The following FAM135B variants were observed in gnomAD, a reference collection of about 807,000 sequenced individuals.
FAM135B encodes the protein family with sequence similarity 135 member B, also known as protein FAM135B.
Under a neutral mutation model 127.7 loss-of-function variants are expected in FAM135B, and 43 were observed. The ratio of observed to expected loss-of-function variants is 0.34; its 90% CI spans 0.26 to 0.43. The LOEUF is 0.43. Ranked by LOEUF, FAM135B falls within the 20% of genes least tolerant of loss-of-function variation. FAM135B has a pLI of 1.00. For synonymous variants in FAM135B, 670 were observed against 665.1 expected (o/e 1.01, Z -0.11); for missense variants, 1,558 against 1,725.6 (o/e 0.90, Z 1.72).
At chr8:138,226,184 T>TGTGTGTGTGTGTGC in intron 7 of FAM135B, among the ~76,000 whole-genome samples, 7 of 139,284 alleles carry the variant, frequency 5.0e-5, no homozygotes, top group African/African-American at 1.9e-4. Flanking sequence ...TGTGTGTGTG[T>TGTGTGTGTGTGTGC]GCGCGCATGT....
At chr8:138,450,664 T>C (rs1836435412) in intron 1 of FAM135B, 1 of 152,228 alleles carries the variant, frequency 6.6e-6, no homozygotes, top group Admixed American at 6.5e-5. Flanking sequence ...GTGTCTGTTA[T>C]AATTTCTGGC....
chr8:138,270,628 A>G (rs1823307577), intron 3 of FAM135B, among the ~76,000 whole-genome samples: 1 of 152,258 alleles, frequency 6.6e-6, no homozygotes, highest in Non-Finnish European at 1.5e-5. Context: ...GGGTGCTTGC[A>G]TCTGGCAAAG....
chr8:138,212,671 T>G, intron 7 of FAM135B, among the ~76,000 whole-genome samples: 1 of 152,258 alleles, frequency 6.6e-6, no homozygotes, highest in East Asian at 1.9e-4. Context: ...TGAATCTATC[T>G]ATTAAAACAT....
rs1157576323 is a variant in FAM135B at position 138,152,012 on chromosome 8, T to C, written c.2463A>G (p.Thr821=). Residue 821 remains threonine, a synonymous_variant, in exon 13 of 20, where the codon ACA becomes ACG. Coordinates refer to ENST00000395297, the MANE Select transcript of FAM135B (RefSeq NM_015912.4). ...SCSQLCGDSG[T]DAGADHPLVE... is the part of the protein sequence containing the mutation. ...CCAGGGGATGGTCTGCTCCAGCATC[T>C]GTTCCAGAGTCACCACAAAGTTGAG... The C allele has an allele frequency of 6.2e-7, 1 of 1,614,098 alleles. No individual in the cohort carries two copies. The highest frequency in any genetic ancestry group is 1.1e-5 in the South Asian group (1 of 91,076).
In FAM135B at chr8:138,132,489, C is replaced by T; in HGVS notation, c.*104G>A. On this transcript the variant is annotated 3_prime_UTR_variant, in exon 20 of 20. Transcript: ENST00000395297. This position sits in a 1 kb window ranked among gnomAD's most constrained non-coding sequence, Gnocchi z 4.5. The stretch of plus-strand genomic sequence containing the variant: ...CCACCCGAGCCTCCGTCCCCCAATG[C>T]TGTTGAAGCTTCATTCTGAAATGGT... 1.1e-6 allele frequency: 1 copy of T among 946,546 alleles called. No individual in the cohort carries two copies. Among genetic ancestry groups the T allele is most frequent in the Non-Finnish European group, 1.7e-6 (1 of 606,030 alleles). The allele number at this position is 946,546 out of a possible 1,614,324, so 58.6% of individuals were successfully genotyped here.
intron 9 of FAM135B, among the ~76,000 whole-genome samples, chr8:138,184,214 C>T (rs1815345797): frequency 6.6e-6 from 1 of 152,104 alleles, no homozygotes; most frequent in South Asian, 2.1e-4. Flanking sequence ...GTTTTTGCCC[C>T]CTGAAGGTCT....
At chr8:138,329,286 C>T (rs1828009715) in intron 2 of FAM135B, among the ~76,000 whole-genome samples, 1 of 152,186 alleles carries the variant, frequency 6.6e-6, no homozygotes, top group Non-Finnish European at 1.5e-5. Context: ...TGACCAATTT[C>T]CAGCTCCTTC....
intron 1 of FAM135B, among the ~76,000 whole-genome samples, chr8:138,463,446 T>C (rs1837234529): frequency 6.6e-6 from 1 of 151,896 alleles, no homozygotes. Context: ...TAGAGCAAAG[T>C]CCACTGTAAG....
chr8:138,379,572 G>A, intron 1 of FAM135B, among the ~76,000 whole-genome samples: 2 of 152,098 alleles, frequency 1.3e-5, no homozygotes, highest in East Asian at 1.9e-4. Context: ...AGTTGCTAGG[G>A]AAAGACATAG....
chr8:138,454,340 G>A (rs1417202214), intron 1 of FAM135B, among the ~76,000 whole-genome samples: 11 of 152,154 alleles, frequency 7.2e-5, no homozygotes, highest in Admixed American at 2.6e-4. Flanking sequence ...TCCTTCATTC[G>A]TCAAATGGAA....
At chr8:138,402,199 C>T (rs545591211) in intron 1 of FAM135B, among the ~76,000 whole-genome samples, 1 of 118,728 alleles carries the variant, frequency 8.4e-6, no homozygotes, top group South Asian at 2.5e-4. Flanking sequence ...ACCTGGAACA[C>T]TGCCTTTTCA....
In FAM135B at chr8:138,242,149, C is replaced by A. The variant is rs889910431; in HGVS notation, c.669+793G>T. Among the ~76,000 whole-genome samples, 1 of 143,700 alleles carries A rather than the reference C, an allele frequency of 7.0e-6. No individual in the cohort carries two copies. The highest frequency in any genetic ancestry group is 1.5e-5 in the Non-Finnish European group (1 of 66,826). 94.3% of individuals were successfully genotyped at this position (143,700 alleles called of 152,430 possible). On this transcript the variant is annotated intron_variant, in intron 7 of 19. Transcript: ENST00000395297. This position sits in a 1 kb window ranked among gnomAD's most constrained non-coding sequence, Gnocchi z 9.6. ...CCTTCAAAATCATGTGAGTCAATTACTTATGATAAATCTCTTTGTGTGTGT... is the reference window on the plus strand; with the variant it reads ...CCTTCAAAATCATGTGAGTCAATTAATTATGATAAATCTCTTTGTGTGTGT...
Position 138,409,286 on chromosome 8 carries a change from C to T in FAM135B, c.-19-41284G>A, listed in dbSNP as rs1833715561. Among the ~76,000 whole-genome samples, 5 of 152,188 alleles carry T rather than the reference C, an allele frequency of 3.3e-5. No homozygotes were observed. In the South Asian group the frequency reaches 1.0e-3, roughly 32 times the overall value. On this transcript the variant is annotated intron_variant, in intron 1 of 19. Coordinates refer to ENST00000395297, the MANE Select transcript of FAM135B (RefSeq NM_015912.4). ...ATGGGGGAAGGGCCGGTAGGTGGAGCAGTCAGAACACACACGACATTTATC... is the reference window on the plus strand; with the variant it reads ...ATGGGGGAAGGGCCGGTAGGTGGAGTAGTCAGAACACACACGACATTTATC...
chr8:138,201,915 C>T (rs1392369082), intron 7 of FAM135B, among the ~76,000 whole-genome samples: 2 of 151,874 alleles, frequency 1.3e-5, no homozygotes, highest in South Asian at 2.1e-4. Flanking sequence ...CACAGGAGGT[C>T]GGGAGTTCGA....
chr8:138,135,606 A>G (rs538263822), intron 19 of FAM135B, among the ~76,000 whole-genome samples: 1 of 152,192 alleles, frequency 6.6e-6, no homozygotes, highest in Non-Finnish European at 1.5e-5. Flanking sequence ...ATATTTTAGA[A>G]GGGAATTTGG....
In FAM135B at chr8:138,152,613, C is replaced by A. The variant is rs774845231; in HGVS notation, c.1862G>T (p.Gly621Val). 1 of 1,614,146 alleles carries A rather than the reference C, an allele frequency of 6.2e-7. No homozygotes were observed. Among genetic ancestry groups the A allele is most frequent in the South Asian group, 1.1e-5 (1 of 91,078 alleles). The change falls in exon 13 of 20, where the codon GGA becomes GTA. Residue 621 changes from glycine (G) to valine (V), a missense_variant. Around this residue, in one of 5 missense-constraint regions of FAM135B, gnomAD observed 923 missense variants for 865.3 expected, o/e 1.07. Transcript: ENST00000395297. ...TLHELSTLGK[G>V]IDQEGKMVLL... ...CACCATCTTCCCCTCTTGATCTATT[C>A]CCTTTCCTAGAGTACTTAATTCATG...
At position 138,139,538 on chromosome 8, in the gene FAM135B, C is replaced by T. The variant is rs184045128; in HGVS notation, c.3791-442G>A. Among the ~76,000 whole-genome samples the T allele has an allele frequency of 3.1e-3, 479 of 152,214 alleles. 8 individuals are homozygous for T. The highest frequency in any genetic ancestry group is 0.011 in the African/African-American group (454 of 41,546). ...CTGTAATCCCAGCACTTTGGCAGACCGAGGCGGGTGGATCACCTGAGGTCA... is the reference window on the plus strand; with the variant it reads ...CTGTAATCCCAGCACTTTGGCAGACTGAGGCGGGTGGATCACCTGAGGTCA... On this transcript the variant is annotated intron_variant, in intron 17 of 19. Transcript: ENST00000395297.
intron 7 of FAM135B, among the ~76,000 whole-genome samples, chr8:138,217,556 G>A (rs1454139913): frequency 1.3e-5 from 2 of 149,266 alleles, no homozygotes; most frequent in South Asian, 2.1e-4. Context: ...TCAGCCTCCC[G>A]AGTAGCTGGG....
intron 12 of FAM135B, among the ~76,000 whole-genome samples, chr8:138,165,881 G>A (rs570444691): frequency 3.9e-5 from 6 of 152,218 alleles, no homozygotes; most frequent in African/African-American, 1.4e-4. Flanking sequence ...GGGTATAACT[G>A]AGAACCAAAT....
Sources: allele counts gnomAD v4.1 joint callset (sites outside exome capture counted in the v4.1 genomes callset), GRCh38; gene constraint gnomAD v4.1.1; regional missense constraint gnomAD v4.1.1; non-coding constraint Gnocchi (gnomAD v3.1); transcripts MANE v1.5; gene names NCBI Gene and HGNC (gene_info 2026-07-23, HGNC 2026-07-21).